The following HECTD4 variants were observed in gnomAD, a reference collection of about 807,000 sequenced individuals.
The protein encoded by HECTD4 is HECT domain E3 ubiquitin protein ligase 4.
Under a neutral mutation model 471.5 loss-of-function variants are expected in HECTD4, and 114 were observed. That is an observed-to-expected ratio of 0.24 (90% CI 0.21 to 0.28). The LOEUF is 0.28. HECTD4 is among the 10% of genes least tolerant of loss of function. HECTD4 has a pLI of 1.00. For synonymous variants in HECTD4, 2,012 were observed against 2,256.0 expected, an observed-to-expected ratio of 0.89 and a Z score of 3.07; for missense variants, 3,866 against 5,651.5, an observed-to-expected ratio of 0.68 and a Z score of 10.13.
In HECTD4 at chr12:112,250,323, G is replaced by A. The variant is rs2033852238; in HGVS notation, c.3771C>T (p.Ser1257=). ...NGVISPALTP[S]PSPLPLTIEE... ...CTATGGTCAGAGGCAGTGGAGAGGG[G>A]CTCGGAGTAAGGGCAGGGGAGATCA... The change falls in exon 25 of 76, where the codon AGC becomes AGT. Residue 1257 remains serine (S), a synonymous_variant. Transcript: ENST00000682272. 1 of 1,613,988 alleles carries A rather than the reference G, an allele frequency of 6.2e-7. No individual in the cohort carries two copies. Among genetic ancestry groups the A allele is most frequent in the Non-Finnish European group, 8.5e-7 (1 of 1,179,866 alleles).
In HECTD4 at chr12:112,192,601, G is replaced by C. The variant is rs1392403442; in HGVS notation, c.9251C>G (p.Pro3084Arg). The C allele has an allele frequency of 1.9e-6, 3 of 1,607,120 alleles. No homozygotes were observed. Among genetic ancestry groups the C allele is most frequent in the Non-Finnish European group, 1.7e-6 (2 of 1,176,846 alleles). The change falls in exon 59 of 76, where the codon CCC (proline) becomes CGC (arginine). Residue 3084 changes from proline (P) to arginine (R), a missense_variant. Transcript: ENST00000682272. The stretch of plus-strand genomic sequence containing the variant: ...CCTGTCTGTGGAGAGGACCACAGAG[G>C]GGTACTGGTCAGCGGTGGGGGGAGG... ...LAPPPTADQY[P>R]SVVLSTDRVH... is the part of the protein sequence containing the mutation.
intron 13 of HECTD4, 78 bp downstream of exon 13, chr12:112,269,626 C>T (rs1376954169): frequency 1.3e-6 from 2 of 1,488,316 alleles, no homozygotes; most frequent in African/African-American, 2.8e-5. Flanking sequence ...TTTATACTAC[C>T]AGCTTTCAGG....
chr12:112,299,331 G>T (rs2035115306), intron 7 of HECTD4, among the ~76,000 whole-genome samples: 1 of 152,086 alleles, frequency 6.6e-6, no homozygotes, highest in South Asian at 2.1e-4. Flanking sequence ...AAATTAGACT[G>T]AGTTCAGATG....
intron 1 of HECTD4, among the ~76,000 whole-genome samples, chr12:112,323,971 TTCC>T (rs2035653257): frequency 2.9e-4 from 8 of 27,492 alleles, no homozygotes; most frequent in South Asian, 1.2e-3. Flanking sequence ...TCTTTCTTCC[TTCC>T]TTCCTTCCTT....
chr12:112,199,378 G>A (rs1380183932), intron 55 of HECTD4, among the ~76,000 whole-genome samples: 1 of 152,170 alleles, frequency 6.6e-6, no homozygotes, highest in African/African-American at 2.4e-5. Context: ...AATCTCAAGT[G>A]GAGATGGTCT....
intron 19 of HECTD4, 158 bp downstream of exon 19, chr12:112,258,954 T>C: frequency 1.5e-6 from 1 of 685,294 alleles, no homozygotes; most frequent in Non-Finnish European, 2.4e-6. Flanking sequence ...CCTTATTATT[T>C]ATTTTTATGA....
chr12:112,311,556 C>T lies in HECTD4; in HGVS notation c.916+1461G>A, dbSNP rs1238363529. 5.5e-5 allele frequency among the ~76,000 whole-genome samples: 8 copies of T among 145,854 alleles called. No homozygotes were observed. The South Asian group carries it at 6.5e-4, about 12-fold the overall frequency. On this transcript the variant is annotated intron_variant, in intron 4 of 75. Coordinates refer to ENST00000682272, the MANE Select transcript of HECTD4 (RefSeq NM_001388303.1). ...GAAGGACTGCTTGAGCCTGGGAGGT[C>T]GAGGCTGCAGTTGTGATTGCACCAC...
At chr12:112,295,826 C>T (rs1045614244) in intron 7 of HECTD4, among the ~76,000 whole-genome samples, 180 of 148,916 alleles carry the variant, frequency 1.2e-3, no homozygotes, top group African/African-American at 3.2e-3. Flanking sequence ...TATATATATA[C>T]ACACACACAC....
intron 60 of HECTD4, among the ~76,000 whole-genome samples, chr12:112,186,711 A>G (rs1415109734): frequency 6.7e-6 from 1 of 148,206 alleles, no homozygotes; most frequent in East Asian, 2.0e-4. Flanking sequence ...CTTATCACCC[A>G]GGCTGGAGTG....
chr12:112,162,535 C>T lies in HECTD4; in HGVS notation c.13121-12G>A. 1.2e-6 allele frequency: 2 copies of T among 1,613,842 alleles called. No individual in the cohort carries two copies. The highest frequency in any genetic ancestry group is 1.7e-6 in the Non-Finnish European group (2 of 1,179,852). On this transcript the variant is annotated splice_polypyrimidine_tract_variant and intron_variant, in intron 75 of 75. Coordinates refer to ENST00000682272, the MANE Select transcript of HECTD4 (RefSeq NM_001388303.1). This position sits in a 1 kb window ranked among gnomAD's most constrained non-coding sequence, Gnocchi z 5.2. ...AGAGTCTGGGGAACCTACAAGAAACCGAGCCAGCATCAGAGGGTTGGGCCC... is the reference window on the plus strand; with the variant it reads ...AGAGTCTGGGGAACCTACAAGAAACTGAGCCAGCATCAGAGGGTTGGGCCC...
intron 54 of HECTD4, chr12:112,201,205 T>A: frequency 2.6e-6 from 1 of 381,624 alleles, no homozygotes; most frequent in Non-Finnish European, 5.1e-6. Flanking sequence ...GAGATTCTCC[T>A]GTCTCAGCCT....
At chr12:112,338,834 G>C (rs2036004265) in intron 1 of HECTD4, among the ~76,000 whole-genome samples, 1 of 152,018 alleles carries the variant, frequency 6.6e-6, no homozygotes, top group Non-Finnish European at 1.5e-5. Context: ...GGGAGCAAGA[G>C]AGAGTTAGGA....
At chr12:112,288,335 AG>A (rs1356488401) in intron 7 of HECTD4, among the ~76,000 whole-genome samples, 2 of 142,906 alleles carry the variant, frequency 1.4e-5, no homozygotes, top group South Asian at 2.3e-4. Flanking sequence ...AAAAAAAAAA[AG>A]ATGCAGCAAG....
chr12:112,336,322 G>A (rs886904591), intron 1 of HECTD4, among the ~76,000 whole-genome samples: 1 of 152,088 alleles, frequency 6.6e-6, no homozygotes, highest in African/African-American at 2.4e-5. Flanking sequence ...GGGAGATCAA[G>A]ACCATTCTGG....
Position 112,233,049 on chromosome 12 carries a change from G to A in HECTD4, c.5952C>T (p.Gly1984=), listed in dbSNP as rs755674962. ...TCTTCACAACTTTCTCCATGTTGGC[G>A]CCAGTACCAAGTCGGAAGGGCCGTC... ...SEGRPFRLGT[G]ANMEKVVKMD... is the part of the protein sequence containing the mutation. The change falls in exon 38 of 76, where the codon GGC becomes GGT. Residue 1984 remains glycine, a synonymous_variant. Transcript: ENST00000682272. The A allele has an allele frequency of 8.1e-6, 13 of 1,611,788 alleles. No homozygotes were observed. The East Asian group carries it at 8.9e-5, about 11-fold the overall frequency.
Position 112,175,807 on chromosome 12 carries a change from G to A in HECTD4, c.11523C>T (p.Asp3841=). The part of the protein sequence containing the change: ...TLEGFHKFVI[D]RARQDIRSVW... ...CGCTACGGATATCTTGCCTGGCTCG[G>A]TCAATAACAAATTTGTGAAATCCTT... is the stretch of plus-strand genomic sequence containing the variant. Residue 3841 remains aspartate, a synonymous_variant, in exon 66 of 76, where the codon GAC becomes GAT. Coordinates refer to ENST00000682272, the MANE Select transcript of HECTD4 (RefSeq NM_001388303.1). 2 of 1,613,508 alleles carry A rather than the reference G, an allele frequency of 1.2e-6. No homozygotes were observed. Among genetic ancestry groups the A allele is most frequent in the Non-Finnish European group, 1.7e-6 (2 of 1,179,684 alleles).
At chr12:112,207,324 G>A (rs2032621974) in intron 52 of HECTD4, among the ~76,000 whole-genome samples, 1 of 152,094 alleles carries the variant, frequency 6.6e-6, no homozygotes, top group Admixed American at 6.6e-5. Flanking sequence ...TGCATTTTTA[G>A]TAGAGATGGG....
chr12:112,318,195 G>A (rs1011163728), intron 2 of HECTD4, among the ~76,000 whole-genome samples: 1 of 151,912 alleles, frequency 6.6e-6, no homozygotes, highest in African/African-American at 2.4e-5. Flanking sequence ...AATCCGGGAG[G>A]TGGAAGTTGT....
At chr12:112,363,203 CAT>C (rs977796347) in intron 1 of HECTD4, among the ~76,000 whole-genome samples, 5 of 151,796 alleles carry the variant, frequency 3.3e-5, no homozygotes, top group African/African-American at 1.2e-4. Context: ...TTATATATAA[CAT>C]GTAATATGTA....
Sources: gnomAD v4.1 joint callset for allele counts (sites outside exome capture counted in the v4.1 genomes callset) on GRCh38, gnomAD v4.1.1 for gene constraint, Gnocchi (gnomAD v3.1) non-coding constraint, MANE v1.5 for transcripts, NCBI Gene and HGNC (gene_info 2026-07-23, HGNC 2026-07-21) for gene names.